The following PARL variants were observed in gnomAD, a reference collection of about 807,000 sequenced individuals.
PARL encodes presenilin-associated rhomboid-like protein, mitochondrial.
A neutral mutation model predicts 51.6 loss-of-function variants in PARL; 44 were observed. The ratio of observed to expected loss-of-function variants is 0.85; its 90% CI spans 0.67 to 1.10. The LOEUF (loss-of-function observed/expected upper bound fraction) is 1.10, where lower values mean the gene tolerates loss of function less well. Ranked by LOEUF, PARL falls within the 50% of genes least tolerant of loss-of-function variation. The probability of loss-of-function intolerance (pLI) is 0.00; values close to 1 mark genes in which losing one functional copy is unlikely to be tolerated. For synonymous variants in PARL, 172 were observed against 164.0 expected (o/e 1.05, Z -0.37); for missense variants, 441 against 469.5 (o/e 0.94, Z 0.56).
At chr3:183,881,060 C>T (rs1165864408) in intron 1 of PARL, among the ~76,000 whole-genome samples, 1 of 151,940 alleles carries the variant, frequency 6.6e-6, no homozygotes, top group Non-Finnish European at 1.5e-5. Context: ...AAGTGATCTT[C>T]CTGCCTCAGC....
At position 183,866,782 on chromosome 3, in the gene PARL, A is replaced by C. The variant is rs747149890; in HGVS notation, c.322-17T>G. On this transcript the variant is annotated splice_polypyrimidine_tract_variant and intron_variant, in intron 2 of 9. Coordinates refer to ENST00000317096, the MANE Select transcript of PARL (RefSeq NM_018622.7). ...GCCTGTAAACTATATAAAATTAGAT[A>C]TATTACAAAATAGATTTAAGAGGGA... is the stretch of plus-strand genomic sequence containing the variant. 6.6e-7 allele frequency: 1 copy of C among 1,521,558 alleles called. No individual in the cohort carries two copies. The highest frequency in any genetic ancestry group is 2.3e-5 in the East Asian group (1 of 43,826). The allele number at this position is 1,521,558 out of a possible 1,614,324, so 94.3% of individuals were successfully genotyped here. A position where few individuals can be genotyped will look rare whatever the true frequency, so the allele number is the denominator to read the frequency against.
chr3:183,864,701 G>C (rs1025046243), intron 3 of PARL, among the ~76,000 whole-genome samples: 1 of 151,746 alleles, frequency 6.6e-6, no homozygotes, highest in Non-Finnish European at 1.5e-5. Context: ...GCGTGAACCC[G>C]GGAGGCAGAG....
chr3:183,845,829 A>G (rs1346534364), intron 4 of PARL, among the ~76,000 whole-genome samples: 2 of 152,198 alleles, frequency 1.3e-5, no homozygotes, highest in African/African-American at 2.4e-5. Flanking sequence ...TTTACTACCC[A>G]GAGTGCACCC....
chr3:183,827,011 G>C (rs1474700551), downstream of PARL, among the ~76,000 whole-genome samples: 2 of 152,178 alleles, frequency 1.3e-5, no homozygotes, highest in Non-Finnish European at 2.9e-5. Flanking sequence ...GTCAGCATGA[G>C]AGGGAGGCAG....
intron 1 of PARL, among the ~76,000 whole-genome samples, chr3:183,875,819 G>A (rs773251151): frequency 6.6e-4 from 101 of 152,284 alleles, no homozygotes; most frequent in South Asian, 2.1e-3. Flanking sequence ...CATAGCTACA[G>A]GTGAGGAGGC....
At chr3:183,863,691 A>G (rs1289492952) in intron 3 of PARL, among the ~76,000 whole-genome samples, 1 of 151,944 alleles carries the variant, frequency 6.6e-6, no homozygotes, top group Non-Finnish European at 1.5e-5. Context: ...CTCCCACCTC[A>G]GTCTCCCAAG....
chr3:183,827,425 G>GAGAC (rs1469669050), downstream of PARL, among the ~76,000 whole-genome samples: 1 of 151,440 alleles, frequency 6.6e-6, no homozygotes, highest in Non-Finnish European at 1.5e-5. Context: ...CTGGACGAGA[G>GAGAC]AGAGAGAGAG....
intron 5 of PARL, among the ~76,000 whole-genome samples, chr3:183,843,994 G>A (rs1050981656): frequency 2.6e-5 from 4 of 151,942 alleles, no homozygotes; most frequent in African/African-American, 9.7e-5. Flanking sequence ...AGCTAAGACT[G>A]CACCACTGCA....
intron 3 of PARL, 123 bp downstream of exon 3, chr3:183,866,502 T>C (rs1391144614): frequency 3.7e-6 from 3 of 807,700 alleles, no homozygotes; most frequent in Non-Finnish European, 6.4e-6. Flanking sequence ...ATTCAGTTCC[T>C]CAGATTTCAT....
intron 9 of PARL, among the ~76,000 whole-genome samples, chr3:183,831,127 C>G (rs769057924): frequency 3.3e-5 from 5 of 152,140 alleles, no homozygotes; most frequent in Non-Finnish European, 7.3e-5. Flanking sequence ...AGGCATGCAC[C>G]ACCACGCCCG....
intron 7 of PARL, among the ~76,000 whole-genome samples, chr3:183,838,700 C>T (rs983719147): frequency 2.0e-5 from 3 of 152,172 alleles, no homozygotes; most frequent in Non-Finnish European, 4.4e-5. Context: ...TCCTAGAAAT[C>T]ACACGTAAGT....
At position 183,844,220 on chromosome 3, in the gene PARL, G is replaced by A; in HGVS notation, c.607+11C>T. Reference sequence around the variant, plus strand: ...TCTACCTTAAAATAAATTCACACAAGTTAGACTTACTTGAGGCTGGATTCG... The same window carrying A: ...TCTACCTTAAAATAAATTCACACAAATTAGACTTACTTGAGGCTGGATTCG... On this transcript the variant is annotated intron_variant, in intron 5 of 9. Transcript: ENST00000317096. 6.6e-7 allele frequency: 1 copy of A among 1,511,932 alleles called. No individual in the cohort carries two copies. Among genetic ancestry groups the A allele is most frequent in the Non-Finnish European group, 9.2e-7 (1 of 1,088,150 alleles). 93.7% of individuals were successfully genotyped at this position (1,511,932 alleles called of 1,614,324 possible). A position where few individuals can be genotyped will look rare whatever the true frequency, so the allele number is the denominator to read the frequency against.
chr3:183,879,879 ATTTTT>A lies in PARL; in HGVS notation c.125+4838_125+4842del, dbSNP rs532111761. 49 of 131,316 alleles carry A rather than the reference ATTTTT, an allele frequency of 3.7e-4. 1 individual carries two copies. Among genetic ancestry groups the A allele is most frequent in the African/African-American group, 1.2e-3 (42 of 35,002 alleles). The allele number at this position is 131,316 out of a possible 1,614,324, so 8.1% of individuals were successfully genotyped here. ...TTACAGATGCCTGCCACCAGGACTG[ATTTTT>A]TTTTTTTTTTTTTTTTTTGTATTTT... On this transcript the variant is annotated intron_variant, in intron 1 of 9. Transcript: ENST00000317096.
intron 4 of PARL, among the ~76,000 whole-genome samples, chr3:183,860,167 C>G (rs1731642617): frequency 6.6e-6 from 1 of 152,080 alleles, no homozygotes; most frequent in Non-Finnish European, 1.5e-5. Context: ...GAAGCTGAGC[C>G]AACTTCACTT....
intron 4 of PARL, among the ~76,000 whole-genome samples, chr3:183,851,661 A>G (rs1025255736): frequency 6.6e-6 from 1 of 152,184 alleles, no homozygotes; most frequent in African/African-American, 2.4e-5. Context: ...TGCAAATCAT[A>G]TCCAATAAGG....
At chr3:183,862,522 C>T in intron 4 of PARL, 1 of 493,730 alleles carries the variant, frequency 2.0e-6, no homozygotes, top group South Asian at 2.9e-5. Context: ...TACAACAAAA[C>T]TGATCAATCA....
intron 1 of PARL, among the ~76,000 whole-genome samples, chr3:183,882,266 TA>T (rs1247048995): frequency 4.7e-4 from 18 of 38,596 alleles, no homozygotes; most frequent in South Asian, 2.5e-3. Context: ...TATATATATA[TA>T]TTTATATATA....
At chr3:183,840,079 A>AG (rs978984115) in intron 7 of PARL, among the ~76,000 whole-genome samples, 1 of 152,172 alleles carries the variant, frequency 6.6e-6, no homozygotes, top group Non-Finnish European at 1.5e-5. Flanking sequence ...TGAGGGCAGG[A>AG]GCCTTTTTTG....
rs754111044 is a variant in PARL, at chr3:183,833,817, G to A, written c.837C>T (p.Ala279=). The A allele has an allele frequency of 6.2e-7, 1 of 1,606,768 alleles. No individual in the cohort carries two copies. The highest frequency in any genetic ancestry group is 1.1e-5 in the South Asian group (1 of 90,964). The stretch of plus-strand genomic sequence containing the variant: ...AGACAGCTGCGAGGACTGTCATGAT[G>A]GCACCAGACTGCAAAGTAACACAGC... ...RYGPSLGASG[A]IMTVLAAVCT... is the part of the protein sequence containing the mutation. The change falls in exon 8 of 10, where the codon GCC becomes GCT. Residue 279 remains alanine (A), a synonymous_variant. Coordinates refer to ENST00000317096, the MANE Select transcript of PARL (RefSeq NM_018622.7).
Sources: gnomAD v4.1 joint callset for allele counts (sites outside exome capture counted in the v4.1 genomes callset) on GRCh38, gnomAD v4.1.1 for gene constraint, MANE v1.5 for transcripts, NCBI Gene and HGNC (gene_info 2026-07-23, HGNC 2026-07-21) for gene names.